SORCS2: variants seen among roughly 807,000 people sequenced by gnomAD.
SORCS2 encodes VPS10 domain-containing receptor SorCS2.
Under a neutral mutation model 141.6 loss-of-function variants are expected in SORCS2, and 100 were observed. The observed-to-expected ratio is 0.71, with a 90% CI of 0.60 to 0.83. The LOEUF is 0.83. Among genes scored for constraint, SORCS2 ranks in the 40% least tolerant of loss-of-function variants. SORCS2 has a pLI of 0.00. For synonymous variants in SORCS2, 789 were observed against 676.9 expected, an observed-to-expected ratio of 1.17 and a Z score of -2.57; for missense variants, 1,646 against 1,560.2, an observed-to-expected ratio of 1.05 and a Z score of -0.93.
Position 7,192,692 on chromosome 4 carries a change from AC to A in SORCS2, c.48del (p.Ala17ProfsTer48). 1 of 987,714 alleles carries A rather than the reference AC, an allele frequency of 1.0e-6. No homozygotes were observed. Among genetic ancestry groups the A allele is most frequent in the Non-Finnish European group, 1.2e-6 (1 of 833,502 alleles). 61.2% of individuals were successfully genotyped at this position (987,714 alleles called of 1,614,324 possible). A position where few individuals can be genotyped will look rare whatever the true frequency, so the allele number is the denominator to read the frequency against. ...GCGCGCCTCGAAGGGCCCCGGCCCC[AC>A]CGCCCGAGCCCCGAGCCCCGGGGCT... ...PSRASKGPGP[T>X]ARAPSPGAPP... On this transcript the variant is annotated frameshift_variant, in exon 1 of 27. Coordinates refer to ENST00000507866, the MANE Select transcript of SORCS2 (RefSeq NM_020777.3). LOFTEE classifies it high-confidence loss of function. This position sits in a 1 kb window ranked among gnomAD's most constrained non-coding sequence, Gnocchi z 4.0.
At chr4:7,252,497 T>C (rs556288403) in intron 1 of SORCS2, among the ~76,000 whole-genome samples, 25 of 152,392 alleles carry the variant, frequency 1.6e-4, no homozygotes, top group African/African-American at 5.5e-4. Flanking sequence ...AACTTTTTCA[T>C]TGAACATGTG....
chr4:7,529,007 A>G (rs1254822539), intron 2 of SORCS2, among the ~76,000 whole-genome samples: 1 of 152,086 alleles, frequency 6.6e-6, no homozygotes, highest in Non-Finnish European at 1.5e-5. Context: ...CCAAATTCTT[A>G]TAACACCAGC....
rs773138128 is a variant in SORCS2 at position 7,725,330 on chromosome 4, T to A, written c.2745+43T>A. 31 of 1,590,558 alleles carry A rather than the reference T, an allele frequency of 1.9e-5. No individual in the cohort carries two copies. In the East Asian group the frequency reaches 6.6e-4, roughly 34 times the overall value. On this transcript the variant is annotated intron_variant, in intron 20 of 26. Coordinates refer to ENST00000507866, the MANE Select transcript of SORCS2 (RefSeq NM_020777.3). ...CAACTCAGCCCTTCTTCCCGCAGGC[T>A]CCCCACAAGCTGCACAGTGGGGCAG...
intron 1 of SORCS2, among the ~76,000 whole-genome samples, chr4:7,247,141 C>T (rs1423292976): frequency 1.3e-5 from 2 of 152,132 alleles, no homozygotes; most frequent in Non-Finnish European, 2.9e-5. Flanking sequence ...GCTTTCTGAG[C>T]CCAGGGGTCA....
intron 3 of SORCS2, among the ~76,000 whole-genome samples, chr4:7,594,615 C>G (rs1441779104): frequency 6.6e-6 from 1 of 152,136 alleles, no homozygotes; most frequent in Non-Finnish European, 1.5e-5. Context: ...TCCTCCTTCT[C>G]TCCCTCCCTT....
At chr4:7,541,646 C>T (rs1712670109) in intron 3 of SORCS2, among the ~76,000 whole-genome samples, 2 of 152,200 alleles carry the variant, frequency 1.3e-5, no homozygotes, top group African/African-American at 4.8e-5. Context: ...GAAGAGTGGA[C>T]ATCAGAACCA....
chr4:7,308,539 C>G (rs567410593), intron 1 of SORCS2, among the ~76,000 whole-genome samples: 2 of 152,152 alleles, frequency 1.3e-5, no homozygotes, highest in African/African-American at 4.8e-5. Context: ...GCCTGTTACA[C>G]TGAGCACTGG....
chr4:7,207,963 AC>A (rs1727840762), intron 1 of SORCS2, among the ~76,000 whole-genome samples: 2 of 151,898 alleles, frequency 1.3e-5, no homozygotes, highest in South Asian at 4.2e-4. Context: ...GAAATCCAAA[AC>A]CCGGGAACTT....
At chr4:7,520,193 G>A (rs1022736384) in intron 2 of SORCS2, among the ~76,000 whole-genome samples, 1 of 152,154 alleles carries the variant, frequency 6.6e-6, no homozygotes, top group East Asian at 1.9e-4. Context: ...CCACGTGCAC[G>A]CCTGGTCTGG....
chr4:7,667,998 C>T (rs1029109103), intron 8 of SORCS2, among the ~76,000 whole-genome samples: 1 of 152,208 alleles, frequency 6.6e-6, no homozygotes, highest in African/African-American at 2.4e-5. Flanking sequence ...TGAGATGACA[C>T]CTTCTGAAGA....
Position 7,634,101 on chromosome 4 carries a change from A to T in SORCS2, c.649-4227A>T, listed in dbSNP as rs1226402647. On this transcript the variant is annotated intron_variant, in intron 3 of 26. Coordinates refer to ENST00000507866, the MANE Select transcript of SORCS2 (RefSeq NM_020777.3). ...GAACTTTGGGAGGGACAGGCCGGGC[A>T]CCGTGGCTCATGCCTTAATCCTAGC... 3.3e-5 allele frequency among the ~76,000 whole-genome samples: 2 copies of T among 61,476 alleles called. 1 individual carries two copies. The highest frequency in any genetic ancestry group is 7.1e-5 in the African/African-American group (2 of 28,064). The allele number at this position is 61,476 out of a possible 152,430, so 40.3% of individuals were successfully genotyped here. A position where few individuals can be genotyped will look rare whatever the true frequency, so the allele number is the denominator to read the frequency against.
intron 4 of SORCS2, among the ~76,000 whole-genome samples, chr4:7,650,739 AGCCCAGCCCAG>A (rs1721389147): frequency 5.2e-5 from 2 of 38,508 alleles, no homozygotes; most frequent in African/African-American, 2.2e-4. Context: ...AGCCCAGCCC[AGCCCAGCCCAG>A]CCCAGCCCAG....
At chr4:7,436,337 C>T (rs1183292160) in intron 2 of SORCS2, among the ~76,000 whole-genome samples, 1 of 152,342 alleles carries the variant, frequency 6.6e-6, no homozygotes, top group Middle Eastern at 3.4e-3. Context: ...TCATTCAGTC[C>T]ATCGCCTGAC....
At chr4:7,508,050 T>C (rs1486379723) in intron 2 of SORCS2, among the ~76,000 whole-genome samples, 1 of 151,926 alleles carries the variant, frequency 6.6e-6, no homozygotes, top group Admixed American at 6.6e-5. Flanking sequence ...CAGGTGCAGG[T>C]GTCTGTCCGT....
intron 1 of SORCS2, among the ~76,000 whole-genome samples, chr4:7,324,403 C>T (rs1359106323): frequency 1.3e-5 from 2 of 152,210 alleles, no homozygotes; most frequent in African/African-American, 2.4e-5. Flanking sequence ...AACAGGTGCC[C>T]CTGCAGCTCC....
intron 12 of SORCS2, among the ~76,000 whole-genome samples, chr4:7,700,075 C>T (rs1724964520): frequency 1.3e-5 from 2 of 152,186 alleles, no homozygotes; most frequent in African/African-American, 4.8e-5. Flanking sequence ...CAGCCACGTG[C>T]TTCCTGCTCC....
At chr4:7,251,069 G>A (rs1473728312) in intron 1 of SORCS2, among the ~76,000 whole-genome samples, 1 of 152,282 alleles carries the variant, frequency 6.6e-6, no homozygotes, top group African/African-American at 2.4e-5. Flanking sequence ...CAGTATCCTT[G>A]TCTGTAAAAT....
At chr4:7,625,449 G>T (rs992690675) in intron 3 of SORCS2, among the ~76,000 whole-genome samples, 2 of 151,940 alleles carry the variant, frequency 1.3e-5, no homozygotes, top group Non-Finnish European at 2.9e-5. Flanking sequence ...GACTGTGGGG[G>T]CTAGTGCCTA....
intron 1 of SORCS2, among the ~76,000 whole-genome samples, chr4:7,263,034 G>A (rs950332511): frequency 6.6e-6 from 1 of 152,128 alleles, no homozygotes; most frequent in Non-Finnish European, 1.5e-5. Context: ...TCTGCTTCCC[G>A]ACTGCTGCAG....
Sources: allele counts gnomAD v4.1 joint callset (sites outside exome capture counted in the v4.1 genomes callset), GRCh38; gene constraint gnomAD v4.1.1; non-coding constraint Gnocchi (gnomAD v3.1); transcripts MANE v1.5; gene names NCBI Gene and HGNC (gene_info 2026-07-23, HGNC 2026-07-21).